Variants in DOCK7 observed in about 807,000 individuals in gnomAD.
DOCK7 encodes the protein dedicator of cytokinesis 7, also known as dedicator of cytokinesis protein 7.
In DOCK7, 138 loss-of-function variants were observed where a neutral mutation model predicts 271.0. The observed-to-expected ratio is 0.51, with a 90% CI of 0.44 to 0.59. The LOEUF (loss-of-function observed/expected upper bound fraction) is 0.59, where lower values mean the gene tolerates loss of function less well. DOCK7 is among the 20% of genes least tolerant of loss of function. The pLI, the probability that DOCK7 is intolerant of heterozygous loss-of-function variation, is 0.00. For synonymous variants in DOCK7, 823 were observed against 876.1 expected, an observed-to-expected ratio of 0.94 and a Z score of 1.07; for missense variants, 2,066 against 2,592.4, an observed-to-expected ratio of 0.80 and a Z score of 4.41.
At chr1:62,523,512 A>T (rs1644911744) in intron 31 of DOCK7, among the ~76,000 whole-genome samples, 1 of 152,218 alleles carries the variant, frequency 6.6e-6, no homozygotes, top group African/African-American at 2.4e-5. Context: ...TGAAACAGAA[A>T]AAAATTCCTT....
Position 62,494,353 on chromosome 1 carries a change from G to A in DOCK7, c.5139C>T (p.His1713=), listed in dbSNP as rs898979432. The A allele has an allele frequency of 4.3e-6, 7 of 1,612,726 alleles. No individual in the cohort carries two copies. The highest frequency in any genetic ancestry group is 4.2e-6 in the Non-Finnish European group (5 of 1,178,964). ...NHAEAAQCLV[H]SAALVAEYLS... ...AATATTCAGCAACAAGTGCTGCTGAGTGGACTAGACACTGTGCAGCTTCAG... is the reference window on the plus strand; with the variant it reads ...AATATTCAGCAACAAGTGCTGCTGAATGGACTAGACACTGTGCAGCTTCAG... Residue 1713 remains histidine, a synonymous_variant, in exon 40 of 50, where the codon CAC becomes CAT. Transcript: ENST00000635253.
At chr1:62,549,787 A>G (rs1645834182) in intron 22 of DOCK7, among the ~76,000 whole-genome samples, 2 of 152,012 alleles carry the variant, frequency 1.3e-5, no homozygotes, top group Admixed American at 1.3e-4. Context: ...ATTTTTCTGT[A>G]CCCATTAACT....
chr1:62,543,881 TCATTTTCAC>T, intron 23 of DOCK7, 136 bp from the exon 24 acceptor site: 1 of 539,948 alleles, frequency 1.9e-6, no homozygotes, highest in Non-Finnish European at 3.2e-6. Flanking sequence ...ATTGCTCATC[TCATTTTCAC>T]CATGTTAAGC....
rs1051150739 is a variant in DOCK7, at chr1:62,455,147, G to C, written c.*267C>G. 3.8e-5 allele frequency: 21 copies of C among 552,044 alleles called. No individual in the cohort carries two copies. Among genetic ancestry groups the C allele is most frequent in the Non-Finnish European group, 6.4e-5 (20 of 314,398 alleles). The allele number at this position is 552,044 out of a possible 1,614,324, so 34.2% of individuals were successfully genotyped here. A position where few individuals can be genotyped will look rare whatever the true frequency, so the allele number is the denominator to read the frequency against. The stretch of plus-strand genomic sequence containing the variant: ...TAAAGTGAATAAATTTTTAACCTTA[G>C]CTATGGTATAAATAATGGTAAATGT... On this transcript the variant is annotated 3_prime_UTR_variant, in exon 50 of 50. Coordinates refer to ENST00000635253, the MANE Select transcript of DOCK7 (RefSeq NM_001367561.1).
At chr1:62,506,323 A>G (rs1468265386) in intron 35 of DOCK7, among the ~76,000 whole-genome samples, 2 of 152,166 alleles carry the variant, frequency 1.3e-5, no homozygotes, top group Non-Finnish European at 2.9e-5. Flanking sequence ...AAAAAAAGAA[A>G]TGTACTCTGT....
chr1:62,473,079 A>G (rs1288972634), intron 48 of DOCK7, among the ~76,000 whole-genome samples: 2 of 152,306 alleles, frequency 1.3e-5, no homozygotes, highest in Middle Eastern at 3.4e-3. Context: ...CAGTATAACT[A>G]TATGCTGAGT....
At chr1:62,625,075 A>T in intron 12 of DOCK7, 184 bp downstream of exon 12, 1 of 461,986 alleles carries the variant, frequency 2.2e-6, no homozygotes, top group African/African-American at 2.0e-5. Context: ...ATAATGCTAA[A>T]ATAATAGGAA....
At chr1:62,591,471 T>C (rs1648439889) in intron 14 of DOCK7, among the ~76,000 whole-genome samples, 1 of 151,876 alleles carries the variant, frequency 6.6e-6, no homozygotes, top group Admixed American at 6.6e-5. Flanking sequence ...CTAATAAACC[T>C]TCACATGTCC....
At chr1:62,645,527 G>A (rs1248594112) in intron 7 of DOCK7, among the ~76,000 whole-genome samples, 3 of 152,146 alleles carry the variant, frequency 2.0e-5, no homozygotes, top group Non-Finnish European at 4.4e-5. Flanking sequence ...GGATGGAGGA[G>A]TTGAGGAAAA....
At chr1:62,493,992 A>T (rs1004719599) in intron 40 of DOCK7, among the ~76,000 whole-genome samples, 1 of 152,234 alleles carries the variant, frequency 6.6e-6, no homozygotes, top group Non-Finnish European at 1.5e-5. Flanking sequence ...ATTTCCATAG[A>T]TGTTAAAGTA....
chr1:62,482,780 G>A (rs1341127891), intron 43 of DOCK7: 3 of 152,002 alleles, frequency 2.0e-5, no homozygotes, highest in Admixed American at 1.3e-4. Context: ...CCTTCCCTAT[G>A]TTGTTTTCCT....
At chr1:62,654,237 CATT>C in intron 2 of DOCK7, 78 bp from the exon 3 acceptor site, 1 of 1,354,352 alleles carries the variant, frequency 7.4e-7, no homozygotes, top group Non-Finnish European at 1.0e-6. Context: ...AGGCAAATAA[CATT>C]TTTTTAAATA....
intron 21 of DOCK7, among the ~76,000 whole-genome samples, chr1:62,554,446 T>C (rs1455112373): frequency 1.8e-5 from 2 of 111,510 alleles, no homozygotes; most frequent in African/African-American, 3.6e-5. Context: ...CACTCCAGCC[T>C]GGGCAACAGA....
At chr1:62,588,722 TA>T (rs148023263) in intron 14 of DOCK7, among the ~76,000 whole-genome samples, 384 of 152,264 alleles carry the variant, frequency 2.5e-3, no homozygotes, top group African/African-American at 8.8e-3. Flanking sequence ...CTAAATCCAT[TA>T]TTTTTTTAAT....
intron 14 of DOCK7, chr1:62,597,763 G>A (rs755058329): frequency 4.3e-6 from 7 of 1,613,398 alleles, no homozygotes; most frequent in African/African-American, 1.3e-5. Context: ...AAGACGAAGG[G>A]CCAAATTAAT....
At chr1:62,641,067 A>C in intron 7 of DOCK7, 1 of 186,602 alleles carries the variant, frequency 5.4e-6, no homozygotes, top group South Asian at 1.0e-4. Flanking sequence ...GCAGCAGTGA[A>C]AGAAGGGCAG....
At position 62,489,022 on chromosome 1, in the gene DOCK7, A is replaced by G. The variant is rs1646379868; in HGVS notation, c.5405T>C (p.Ile1802Thr). The G allele has an allele frequency of 1.9e-6, 3 of 1,609,874 alleles. No homozygotes were observed. Among genetic ancestry groups the G allele is most frequent in the Non-Finnish European group, 2.5e-6 (3 of 1,177,068 alleles). The change falls in exon 42 of 50, where the codon ATT becomes ACT. Residue 1802 changes from isoleucine (I) to threonine (T), a missense_variant. Physicochemically the swap from Ile to Thr is moderately conservative, Grantham distance 89. Around this residue, in one of 2 missense-constraint regions of DOCK7, gnomAD observed 652 missense variants for 922.1 expected, o/e 0.71. Coordinates refer to ENST00000635253, the MANE Select transcript of DOCK7 (RefSeq NM_001367561.1). ...EAVNEVYKVL[I>T]PIHEANRDAK... ...ATCCCGATTAGCTTCATGAATAGGAATAAGTACTTTGTAAACTTCATTAAC... is the reference window on the plus strand; with the variant it reads ...ATCCCGATTAGCTTCATGAATAGGAGTAAGTACTTTGTAAACTTCATTAAC...
intron 29 of DOCK7, among the ~76,000 whole-genome samples, chr1:62,532,026 A>C (rs1249919213): frequency 6.6e-6 from 1 of 151,692 alleles, no homozygotes; most frequent in African/African-American, 2.4e-5. Flanking sequence ...ATGGCTGAGA[A>C]TGATTGTGAC....
intron 2 of DOCK7, among the ~76,000 whole-genome samples, chr1:62,658,323 G>A (rs932336165): frequency 1.6e-4 from 24 of 150,580 alleles, no homozygotes; most frequent in Admixed American, 9.3e-4. Context: ...GCATGGTGGC[G>A]GGCACCTATA....
Sources: allele counts gnomAD v4.1 joint callset (sites outside exome capture counted in the v4.1 genomes callset), GRCh38; gene constraint gnomAD v4.1.1; regional missense constraint gnomAD v4.1.1; transcripts MANE v1.5; gene names NCBI Gene and HGNC (gene_info 2026-07-23, HGNC 2026-07-21).